SNAP29: variants seen among roughly 807,000 people sequenced by gnomAD.
SNAP29 encodes synaptosomal-associated protein 29.
Under a neutral mutation model 27.9 loss-of-function variants are expected in SNAP29, and 13 were observed. The ratio of observed to expected loss-of-function variants is 0.47; its 90% CI spans 0.30 to 0.74. SNAP29 has a LOEUF of 0.74. Ranked by LOEUF, SNAP29 falls within the 30% of genes least tolerant of loss-of-function variation. SNAP29 has a pLI of 0.06. For synonymous variants in SNAP29, 119 were observed against 127.1 expected (o/e 0.94, Z 0.43); for missense variants, 368 against 336.5 (o/e 1.09, Z -0.73).
In SNAP29 at chr22:20,890,888, A is replaced by T. The variant is rs2147876863; in HGVS notation, c.*3052A>T. 1 of 151,894 alleles carries T rather than the reference A, an allele frequency of 6.6e-6. No homozygotes were observed. The highest frequency in any genetic ancestry group is 1.5e-5 in the Non-Finnish European group (1 of 68,040). The allele number at this position is 151,894 out of a possible 1,614,324, so 9.4% of individuals were successfully genotyped here. A position where few individuals can be genotyped will look rare whatever the true frequency, so the allele number is the denominator to read the frequency against. ...CAGAAGATCGAGACCATCCTGGCTA[A>T]CACAGTGAAACCCCGTCTCTACTAA... On this transcript the variant is annotated 3_prime_UTR_variant, in exon 5 of 5. Transcript: ENST00000215730.
rs540780820 is a variant in SNAP29, at chr22:20,881,417, C to T, written c.520+283C>T. Reference sequence around the variant, plus strand: ...GCATTCCATTGAAAATGAGCCTGCCCGGCCAGCCTGGTGCAGTAACACACG... The same window carrying T: ...GCATTCCATTGAAAATGAGCCTGCCTGGCCAGCCTGGTGCAGTAACACACG... On this transcript the variant is annotated intron_variant, in intron 3 of 4. Coordinates refer to ENST00000215730, the MANE Select transcript of SNAP29 (RefSeq NM_004782.4). Among the ~76,000 whole-genome samples the T allele has an allele frequency of 1.0e-3, 159 of 152,314 alleles. 1 individual carries two copies. Among genetic ancestry groups the T allele is most frequent in the Admixed American group, 4.6e-4 (7 of 15,302 alleles).
chr22:20,870,356 G>A lies in SNAP29; in HGVS notation c.257G>A (p.Gly86Glu), dbSNP rs777825377. 1.2e-6 allele frequency: 2 copies of A among 1,614,168 alleles called. No individual in the cohort carries two copies. The highest frequency in any genetic ancestry group is 8.5e-7 in the Non-Finnish European group (1 of 1,180,026). ...ASSEELARQRGVLERTEKMVD... is the reference protein window; with the variant it reads ...ASSEELARQREVLERTEKMVD... ...CCCCAGGAGCTCGCCCGTCAGCGAGGAGTCCTGGAGCGCACAGAGAAGATG... is the reference window on the plus strand; with the variant it reads ...CCCCAGGAGCTCGCCCGTCAGCGAGAAGTCCTGGAGCGCACAGAGAAGATG... The change falls in exon 2 of 5, where the codon GGA becomes GAA. Residue 86 changes from glycine to glutamate, a missense_variant. Physicochemically the swap from Gly to Glu is moderately conservative, Grantham distance 98. Transcript: ENST00000215730.
At chr22:20,878,337 C>T (rs1049512836) in intron 2 of SNAP29, among the ~76,000 whole-genome samples, 4 of 151,934 alleles carry the variant, frequency 2.6e-5, no homozygotes, top group Non-Finnish European at 4.4e-5. Flanking sequence ...GTCAGGAGAT[C>T]GAGACCATCC....
intron 1 of SNAP29, among the ~76,000 whole-genome samples, chr22:20,864,888 C>T (rs567626844): frequency 6.6e-6 from 1 of 152,188 alleles, no homozygotes; most frequent in Admixed American, 6.5e-5. Context: ...AGCTGTGTGC[C>T]TTGGTTGCAA....
Position 20,870,358 on chromosome 22 carries a change from G to T in SNAP29, c.259G>T (p.Val87Phe). The T allele has an allele frequency of 6.2e-7, 1 of 1,614,102 alleles. No homozygotes were observed. Among genetic ancestry groups the T allele is most frequent in the African/African-American group, 1.3e-5 (1 of 75,030 alleles). ...CCAGGAGCTCGCCCGTCAGCGAGGA[G>T]TCCTGGAGCGCACAGAGAAGATGGT... The part of the protein sequence containing the change: ...SSEELARQRG[V>F]LERTEKMVDK... Residue 87 changes from valine to phenylalanine, a missense_variant, in exon 2 of 5, where the codon GTC becomes TTC. By Grantham distance (50) the Val-to-Phe change is conservative (BLOSUM62 -1). Coordinates refer to ENST00000215730, the MANE Select transcript of SNAP29 (RefSeq NM_004782.4).
intron 2 of SNAP29, among the ~76,000 whole-genome samples, chr22:20,876,714 C>G (rs914600096): frequency 1.3e-5 from 2 of 151,988 alleles, no homozygotes; most frequent in African/African-American, 4.8e-5. Flanking sequence ...ACTACAGGCA[C>G]CCGCCACCAC....
At chr22:20,870,799 G>C (rs1278104465) in intron 2 of SNAP29, 2 of 536,486 alleles carry the variant, frequency 3.7e-6, no homozygotes, top group East Asian at 6.8e-5. Context: ...TCACCTCAGC[G>C]TAATCTGTAC....
At chr22:20,872,435 C>T (rs547026909) in intron 2 of SNAP29, among the ~76,000 whole-genome samples, 1 of 151,522 alleles carries the variant, frequency 6.6e-6, no homozygotes, top group East Asian at 2.0e-4. Context: ...GAGTCTCACT[C>T]TGTCACCCAG....
At chr22:20,860,167 A>G (rs988723797) in intron 1 of SNAP29, among the ~76,000 whole-genome samples, 1 of 150,038 alleles carries the variant, frequency 6.7e-6, no homozygotes, top group Non-Finnish European at 1.5e-5. Flanking sequence ...CCTGGGCAAC[A>G]TGGTGAAACC....
chr22:20,870,741 A>G (rs1393876861), intron 2 of SNAP29: 5 of 631,248 alleles, frequency 7.9e-6, no homozygotes, highest in Non-Finnish European at 1.4e-5. Flanking sequence ...TAGTCTGTCA[A>G]TAGCTTCTCC....
Position 20,888,340 on chromosome 22 carries a change from C to A in SNAP29, c.*504C>A. The A allele has an allele frequency of 5.4e-6, 1 of 184,842 alleles. No homozygotes were observed. The highest frequency in any genetic ancestry group is 1.1e-5 in the Non-Finnish European group (1 of 95,054). The allele number at this position is 184,842 out of a possible 1,614,324, so 11.5% of individuals were successfully genotyped here. ...ACACACACACACACACACACACACA[C>A]ACACACACACACACACTCTCTGAGC... On this transcript the variant is annotated 3_prime_UTR_variant, in exon 5 of 5. Transcript: ENST00000215730.
intron 2 of SNAP29, among the ~76,000 whole-genome samples, chr22:20,879,306 CAAAA>C (rs945925258): frequency 5.1e-5 from 4 of 78,974 alleles, no homozygotes; most frequent in African/African-American, 1.4e-4. Context: ...GACTCCATCT[CAAAA>C]AAAAAAAAAA....
chr22:20,864,264 A>T (rs1360040669), intron 1 of SNAP29, among the ~76,000 whole-genome samples: 1 of 152,178 alleles, frequency 6.6e-6, no homozygotes, highest in Non-Finnish European at 1.5e-5. Context: ...GGAAAGGGAC[A>T]GAGTTTGAGA....
At position 20,875,835 on chromosome 22, in the gene SNAP29, G is replaced by A. The variant is rs376703660; in HGVS notation, c.435-5214G>A. Among the ~76,000 whole-genome samples, 55 of 151,922 alleles carry A rather than the reference G, an allele frequency of 3.6e-4. No homozygotes were observed. The East Asian group carries it at 8.9e-3, about 25-fold the overall frequency. On this transcript the variant is annotated intron_variant, in intron 2 of 4. Transcript: ENST00000215730. ...AAGCTGGGCATGGTGATACAGGCCT[G>A]TAGTCATATTTACATGGACGACCAA... is the stretch of plus-strand genomic sequence containing the variant.
rs770279342 is a variant in SNAP29 at position 20,859,133 on chromosome 22, A to G, written c.23A>G (p.Tyr8Cys). 1 of 1,608,100 alleles carries G rather than the reference A, an allele frequency of 6.2e-7. No individual in the cohort carries two copies. The change falls in exon 1 of 5, where the codon TAC becomes TGC. Residue 8 changes from tyrosine to cysteine, a missense_variant. By Grantham distance (194) the Tyr-to-Cys change is radical. Coordinates refer to ENST00000215730, the MANE Select transcript of SNAP29 (RefSeq NM_004782.4). Reference sequence around the variant, plus strand: ...ACCATGTCAGCTTACCCTAAAAGCTACAATCCGTTCGACGACGACGGGGAG... The same window carrying G: ...ACCATGTCAGCTTACCCTAAAAGCTGCAATCCGTTCGACGACGACGGGGAG... MSAYPKS[Y>C]NPFDDDGEDE... is the part of the protein sequence containing the mutation.
intron 2 of SNAP29, among the ~76,000 whole-genome samples, chr22:20,880,627 C>T (rs1601653423): frequency 6.6e-6 from 1 of 152,240 alleles, no homozygotes; most frequent in African/African-American, 2.4e-5. Flanking sequence ...ATGTGCTTTT[C>T]ATCTGCCTGG....
chr22:20,884,331 T>TA (rs397868049), intron 4 of SNAP29, among the ~76,000 whole-genome samples: 10,114 of 133,216 alleles, frequency 0.076, 344 homozygotes, highest in Non-Finnish European at 0.096. Flanking sequence ...AAACTCCACC[T>TA]AAAAAAAAAA....
Position 20,889,835 on chromosome 22 carries a change from A to C in SNAP29, c.*1999A>C, listed in dbSNP as rs1166711517. ...ATTCTCAGCAGACTTCCACTTGCCT[A>C]ATGAGATTAGTGATTCAACTGACTT... On this transcript the variant is annotated 3_prime_UTR_variant, in exon 5 of 5. Coordinates refer to ENST00000215730, the MANE Select transcript of SNAP29 (RefSeq NM_004782.4). The C allele has an allele frequency of 6.4e-6, 1 of 155,152 alleles. No homozygotes were observed. Among genetic ancestry groups the C allele is most frequent in the African/African-American group, 2.4e-5 (1 of 41,606 alleles). The allele number at this position is 155,152 out of a possible 1,614,324, so 9.6% of individuals were successfully genotyped here.
At chr22:20,879,680 T>C (rs762260110) in intron 2 of SNAP29, among the ~76,000 whole-genome samples, 2 of 151,396 alleles carry the variant, frequency 1.3e-5, no homozygotes, top group Non-Finnish European at 2.9e-5. Context: ...ACTCTGTCTC[T>C]ACTAAAAATA....
Sources: allele counts gnomAD v4.1 joint callset (sites outside exome capture counted in the v4.1 genomes callset), GRCh38; gene constraint gnomAD v4.1.1; transcripts MANE v1.5; gene names NCBI Gene and HGNC (gene_info 2026-07-23, HGNC 2026-07-21).